ZNF503: variants seen among roughly 807,000 people sequenced by gnomAD.
ZNF503 encodes NocA-like zinc finger 2.
In ZNF503, 15 loss-of-function variants were observed where a neutral mutation model predicts 34.4. That is an observed-to-expected ratio of 0.44 (90% CI 0.29 to 0.67). The LOEUF is 0.67. Among genes scored for constraint, ZNF503 ranks in the 30% least tolerant of loss-of-function variants. ZNF503 has a pLI of 0.13. For synonymous variants in ZNF503, 580 were observed against 456.8 expected (o/e 1.27, Z -3.44); for missense variants, 1,007 against 926.8 (o/e 1.09, Z -1.12).
the ZNF503 span, among the ~76,000 whole-genome samples, chr10:75,387,121 G>T: frequency 1.2e-4 from 18 of 152,242 alleles, no homozygotes; most frequent in African/African-American, 4.3e-4. Flanking sequence ...ACTGTTCTTG[G>T]CACAGGTGAT....
At chr10:75,332,615 C>A in the ZNF503 span, among the ~76,000 whole-genome samples, 5 of 145,190 alleles carry the variant, frequency 3.4e-5, no homozygotes, top group East Asian at 9.9e-4. Context: ...AGGCAGAGGA[C>A]CCTGCGGCCT....
In ZNF503 at chr10:75,399,041, T is replaced by C; in HGVS notation, c.1649A>G (p.Lys550Arg). Reference sequence around the variant, plus strand: ...CGAGCTGGGGTAGCCCGACAGCAGTTTGTCTGTCCCGGGAAATGCCGTATG... The same window carrying C: ...CGAGCTGGGGTAGCCCGACAGCAGTCTGTCTGTCCCGGGAAATGCCGTATG... The part of the protein sequence containing the change: ...RTHTAFPGTD[K>R]LLSGYPSSSS... Residue 550 changes from lysine (K) to arginine (R), a missense_variant, in exon 2 of 2, where the codon AAA becomes AGA. Lys to Arg is a conservative substitution (Grantham distance 26). Transcript: ENST00000372524. The C allele has an allele frequency of 6.2e-7, 1 of 1,612,446 alleles. No individual in the cohort carries two copies. The highest frequency in any genetic ancestry group is 8.5e-7 in the Non-Finnish European group (1 of 1,179,776).
the ZNF503 span, among the ~76,000 whole-genome samples, chr10:75,312,682 A>G: frequency 6.6e-6 from 1 of 152,228 alleles, no homozygotes; most frequent in Non-Finnish European, 1.5e-5. Flanking sequence ...GTTAAGATAC[A>G]TGATAAGTAA....
the ZNF503 span, among the ~76,000 whole-genome samples, chr10:75,301,215 A>G: frequency 6.6e-6 from 1 of 152,098 alleles, no homozygotes; most frequent in Admixed American, 6.6e-5. Flanking sequence ...AATGTGATTA[A>G]TGATATGGCT....
chr10:75,280,716 G>A, the ZNF503 span, among the ~76,000 whole-genome samples: 1 of 152,126 alleles, frequency 6.6e-6, no homozygotes, highest in South Asian at 2.1e-4. Context: ...ACAATCTAGT[G>A]GGGGAAACAG....
the ZNF503 span, among the ~76,000 whole-genome samples, chr10:75,362,678 G>T: frequency 6.6e-6 from 1 of 152,244 alleles, no homozygotes; most frequent in East Asian, 1.9e-4. Context: ...ATAATGACTG[G>T]GTATGAGGCA....
At chr10:75,293,835 T>C in the ZNF503 span, among the ~76,000 whole-genome samples, 2 of 152,194 alleles carry the variant, frequency 1.3e-5, no homozygotes, top group African/African-American at 4.8e-5. Context: ...GTAAGCATCC[T>C]AAGGTGGAGA....
At chr10:75,336,155 G>T in the ZNF503 span, among the ~76,000 whole-genome samples, 1 of 152,164 alleles carries the variant, frequency 6.6e-6, no homozygotes, top group Non-Finnish European at 1.5e-5. Flanking sequence ...ACTCCTTCCT[G>T]TCTGTCTGCT....
the ZNF503 span, among the ~76,000 whole-genome samples, chr10:75,352,048 G>T: frequency 3.6e-5 from 5 of 140,146 alleles, no homozygotes; most frequent in Admixed American, 1.4e-4. Context: ...TGCTCTGTGT[G>T]GATTAGTGCC....
the ZNF503 span, among the ~76,000 whole-genome samples, chr10:75,356,417 A>G: frequency 2.8e-4 from 42 of 152,236 alleles, no homozygotes; most frequent in African/African-American, 9.9e-4. Context: ...TGGTTTCACC[A>G]TGTTAGCCAG....
the ZNF503 span, among the ~76,000 whole-genome samples, chr10:75,370,468 C>T: frequency 6.0e-3 from 910 of 152,146 alleles, 7 homozygotes; most frequent in African/African-American, 0.02. Flanking sequence ...CCGAATCCTG[C>T]GGCTGGGGTG....
chr10:75,400,074 A>G lies in ZNF503; in HGVS notation c.616T>C (p.Ser206Pro). ...GGGGGGGGGVSSEKSGFRVPS... is the reference protein window; with the variant it reads ...GGGGGGGGGVPSEKSGFRVPS... ...ACCCGGAATCCCGACTTCTCCGACG[A>G]AACACCCCCGCCGCCGCCCCCGCCA... Residue 206 changes from serine to proline, a missense_variant, in exon 2 of 2, where the codon TCG (serine) becomes CCG (proline). Ser to Pro is a moderately conservative substitution (Grantham distance 74, BLOSUM62 -1). Transcript: ENST00000372524. 1 of 1,553,138 alleles carries G rather than the reference A, an allele frequency of 6.4e-7. No individual in the cohort carries two copies. Among genetic ancestry groups the G allele is most frequent in the Non-Finnish European group, 8.7e-7 (1 of 1,151,846 alleles).
chr10:75,397,084 T>C (rs1238256841), downstream of ZNF503, among the ~76,000 whole-genome samples: 2 of 152,068 alleles, frequency 1.3e-5, no homozygotes, highest in Non-Finnish European at 2.9e-5. Context: ...TTCCGGGTCC[T>C]GGCCGGGCGG....
chr10:75,373,735 A>G, the ZNF503 span, among the ~76,000 whole-genome samples: 1 of 152,210 alleles, frequency 6.6e-6, no homozygotes, highest in African/African-American at 2.4e-5. Flanking sequence ...AAGGAGAGGA[A>G]TTTCCTATCT....
chr10:75,379,223 C>T, the ZNF503 span, among the ~76,000 whole-genome samples: 4 of 152,070 alleles, frequency 2.6e-5, no homozygotes, highest in Non-Finnish European at 4.4e-5. Context: ...GTTAGCCTGG[C>T]GCGGAGTGAA....
At chr10:75,379,760 G>A in the ZNF503 span, among the ~76,000 whole-genome samples, 1 of 152,248 alleles carries the variant, frequency 6.6e-6, no homozygotes, top group Non-Finnish European at 1.5e-5. Flanking sequence ...TGAAGTCACT[G>A]TTTTTGTTGC....
chr10:75,291,577 T>C, the ZNF503 span, among the ~76,000 whole-genome samples: 1 of 152,118 alleles, frequency 6.6e-6, no homozygotes, highest in Non-Finnish European at 1.5e-5. Flanking sequence ...CACCACCACA[T>C]TCCAGCCTGG....
chr10:75,298,209 A>G, the ZNF503 span, among the ~76,000 whole-genome samples: 2 of 152,226 alleles, frequency 1.3e-5, no homozygotes, highest in African/African-American at 4.8e-5. Context: ...GATATAATTC[A>G]CATACTGTAA....
chr10:75,399,298 G>C lies in ZNF503; in HGVS notation c.1392C>G (p.Ser464=). 6.2e-7 allele frequency: 1 copy of C among 1,601,646 alleles called. No individual in the cohort carries two copies. Among genetic ancestry groups the C allele is most frequent in the Non-Finnish European group, 8.5e-7 (1 of 1,175,594 alleles). ...GCGTGGGGTACACCAGCGGGTATCC[G>C]GACTTCAGCGCCGCAGCCGCAGCAG... ...DPAAAAAALK[S]GYPLVYPTHP... The change falls in exon 2 of 2, where the codon TCC becomes TCG. Residue 464 remains serine, a synonymous_variant. Transcript: ENST00000372524.
Sources: allele counts gnomAD v4.1 joint callset (sites outside exome capture counted in the v4.1 genomes callset), GRCh38; gene constraint gnomAD v4.1.1; transcripts MANE v1.5; gene names NCBI Gene and HGNC (gene_info 2026-07-23, HGNC 2026-07-21).